Variants in CA10 observed in about 807,000 individuals in gnomAD.
CA10 encodes carbonic anhydrase 10 (inactive), also known as carbonic anhydrase-related protein 10.
In CA10, 14 loss-of-function variants were observed where a neutral mutation model predicts 44.2. That is an observed-to-expected ratio of 0.32 (90% CI 0.21 to 0.50). The LOEUF (loss-of-function observed/expected upper bound fraction) is 0.50, where lower values mean the gene tolerates loss of function less well. Among genes scored for constraint, CA10 ranks in the 20% least tolerant of loss-of-function variants. CA10 has a pLI of 0.99. For missense variants in CA10, 350 were observed against 409.7 expected (o/e 0.85, Z 1.26); for synonymous variants, 159 against 141.6 (o/e 1.12, Z -0.87).
At chr17:51,913,616 T>A (rs983329958) in intron 3 of CA10, among the ~76,000 whole-genome samples, 3 of 152,134 alleles carry the variant, frequency 2.0e-5, no homozygotes, top group African/African-American at 4.8e-5. Flanking sequence ...CTGTGTCATG[T>A]TTCAGCAGTG....
At chr17:52,099,118 C>T (rs146621772) in intron 1 of CA10, among the ~76,000 whole-genome samples, 56 of 152,056 alleles carry the variant, frequency 3.7e-4, no homozygotes, top group African/African-American at 1.2e-3. Context: ...TAAGCTCAGA[C>T]CTGCATTATT....
intron 2 of CA10, among the ~76,000 whole-genome samples, chr17:52,024,259 A>G (rs780601060): frequency 1.4e-4 from 21 of 152,152 alleles, no homozygotes; most frequent in Non-Finnish European, 2.9e-4. Flanking sequence ...TACTTCTTAT[A>G]CTGTCATAAT....
At chr17:51,958,985 G>A (rs1381247250) in intron 2 of CA10, among the ~76,000 whole-genome samples, 2 of 152,088 alleles carry the variant, frequency 1.3e-5, no homozygotes, top group African/African-American at 4.8e-5. Flanking sequence ...ATGGAAAGTA[G>A]TATCAATATG....
At chr17:51,803,824 C>T (rs972411585) in intron 3 of CA10, among the ~76,000 whole-genome samples, 1 of 152,210 alleles carries the variant, frequency 6.6e-6, no homozygotes, top group Admixed American at 6.5e-5. Flanking sequence ...TGCAAGGAAT[C>T]GAGCATCTTT....
intron 1 of CA10, among the ~76,000 whole-genome samples, chr17:52,155,424 G>T (rs1038980376): frequency 1.9e-4 from 29 of 152,304 alleles, no homozygotes; most frequent in African/African-American, 6.3e-4. Context: ...TTCAACCTTA[G>T]TGCATTGCAT....
At chr17:52,140,897 C>T (rs1261152676) in intron 1 of CA10, among the ~76,000 whole-genome samples, 5 of 152,156 alleles carry the variant, frequency 3.3e-5, no homozygotes, top group Admixed American at 6.5e-5. Context: ...AGAAAATGCT[C>T]TACCAAGTGC....
chr17:51,732,223 G>C (rs925842668), intron 4 of CA10, among the ~76,000 whole-genome samples: 1 of 152,194 alleles, frequency 6.6e-6, no homozygotes, highest in Non-Finnish European at 1.5e-5. Flanking sequence ...AATGTTAGCA[G>C]CCAGGAAGAT....
chr17:51,701,589 T>C (rs1422646266), intron 4 of CA10, among the ~76,000 whole-genome samples: 1 of 152,188 alleles, frequency 6.6e-6, no homozygotes, highest in African/African-American at 2.4e-5. Context: ...TACTCACAAA[T>C]GTCAGCTTCC....
intron 3 of CA10, among the ~76,000 whole-genome samples, chr17:51,891,661 T>A (rs1303214065): frequency 1.3e-5 from 2 of 152,226 alleles, no homozygotes; most frequent in Non-Finnish European, 2.9e-5. Context: ...GTTGGTTTAC[T>A]CTATGGAAGA....
intron 2 of CA10, among the ~76,000 whole-genome samples, chr17:51,992,410 T>A (rs1985074178): frequency 6.6e-6 from 1 of 152,108 alleles, no homozygotes; most frequent in Admixed American, 6.6e-5. Flanking sequence ...TTTTCTGAGA[T>A]CTGGAACTAT....
intron 3 of CA10, among the ~76,000 whole-genome samples, chr17:51,768,827 C>T (rs1905488474): frequency 6.6e-6 from 1 of 152,100 alleles, no homozygotes; most frequent in Non-Finnish European, 1.5e-5. Context: ...CTCTTTCCAG[C>T]TAGGACAAAG....
At chr17:51,880,017 T>C (rs1385985368) in intron 3 of CA10, among the ~76,000 whole-genome samples, 2 of 152,202 alleles carry the variant, frequency 1.3e-5, no homozygotes, top group Non-Finnish European at 2.9e-5. Flanking sequence ...ATGCCTTTCA[T>C]ATGCAAACTG....
At chr17:52,014,038 G>A (rs1240844153) in intron 2 of CA10, among the ~76,000 whole-genome samples, 4 of 151,840 alleles carry the variant, frequency 2.6e-5, no homozygotes, top group Non-Finnish European at 5.9e-5. Context: ...GATAGAAAGT[G>A]GTGGAAGTAT....
intron 1 of CA10, among the ~76,000 whole-genome samples, chr17:52,138,948 C>T (rs62070290): frequency 4.6e-5 from 7 of 152,120 alleles, no homozygotes; most frequent in Admixed American, 6.6e-5. Flanking sequence ...GGGAGGCTGA[C>T]GGAGTGCTCC....
intron 1 of CA10, among the ~76,000 whole-genome samples, chr17:52,146,500 C>T (rs916824061): frequency 2.6e-5 from 4 of 151,592 alleles, no homozygotes; most frequent in Admixed American, 6.6e-5. Context: ...ACCATCCTGG[C>T]TAACACAGTG....
At chr17:51,764,294 TC>T (rs1817063573) in intron 3 of CA10, among the ~76,000 whole-genome samples, 1 of 152,150 alleles carries the variant, frequency 6.6e-6, no homozygotes, top group South Asian at 2.1e-4. Context: ...CAAGACCACC[TC>T]CTCAAAGTCC....
At chr17:51,775,459 G>A (rs1224365216) in intron 3 of CA10, among the ~76,000 whole-genome samples, 2 of 152,136 alleles carry the variant, frequency 1.3e-5, no homozygotes, top group Admixed American at 6.5e-5. Flanking sequence ...GGGTACAAGG[G>A]GGGTGGGTAG....
intron 3 of CA10, among the ~76,000 whole-genome samples, chr17:51,827,489 C>A (rs559470292): frequency 1.3e-5 from 2 of 152,168 alleles, no homozygotes; most frequent in African/African-American, 4.8e-5. Flanking sequence ...ACATTACAAG[C>A]TTTCTTACTT....
chr17:52,027,397 G>A (rs1170289089), intron 2 of CA10, among the ~76,000 whole-genome samples: 1 of 152,068 alleles, frequency 6.6e-6, no homozygotes, highest in Non-Finnish European at 1.5e-5. Flanking sequence ...CTCTCCTAGA[G>A]GAAAGGAAAT....
Sources: gnomAD v4.1 joint callset for allele counts (sites outside exome capture counted in the v4.1 genomes callset) on GRCh38, gnomAD v4.1.1 for gene constraint, MANE v1.5 for transcripts, NCBI Gene and HGNC (gene_info 2026-07-23, HGNC 2026-07-21) for gene names.